Variants in THRB observed in about 807,000 individuals in gnomAD.
THRB encodes nuclear receptor subfamily 1 group A member 2.
Under a neutral mutation model 47.8 loss-of-function variants are expected in THRB, and 12 were observed. The observed-to-expected ratio is 0.25, with a 90% CI of 0.16 to 0.41. The LOEUF is 0.41. Among genes scored for constraint, THRB ranks in the 10% least tolerant of loss-of-function variants. The probability of loss-of-function intolerance (pLI) is 1.00; values close to 1 mark genes in which losing one functional copy is unlikely to be tolerated. For missense variants in THRB, 348 were observed against 589.2 expected, an observed-to-expected ratio of 0.59 and a Z score of 4.24; for synonymous variants, 218 against 212.2, an observed-to-expected ratio of 1.03 and a Z score of -0.24.
intron 2 of THRB, among the ~76,000 whole-genome samples, chr3:24,331,366 C>T: frequency 6.6e-6 from 1 of 152,018 alleles, no homozygotes; most frequent in East Asian, 1.9e-4. Flanking sequence ...TATTTTCTCC[C>T]CGTCCTGACT....
chr3:24,234,991 A>G (rs1228683319), intron 3 of THRB, among the ~76,000 whole-genome samples: 1 of 152,196 alleles, frequency 6.6e-6, no homozygotes, highest in Non-Finnish European at 1.5e-5. Flanking sequence ...GTCTTTAAGC[A>G]GTGATCCAGT....
chr3:24,426,793 T>A (rs766832477), intron 1 of THRB, among the ~76,000 whole-genome samples: 71 of 152,064 alleles, frequency 4.7e-4, no homozygotes, highest in Middle Eastern at 6.8e-3. Flanking sequence ...AGCATTTTGG[T>A]CATTTTATCA....
intron 1 of THRB, among the ~76,000 whole-genome samples, chr3:24,347,702 C>G (rs1471212198): frequency 6.0e-5 from 9 of 151,038 alleles, no homozygotes; most frequent in Admixed American, 5.3e-4. Context: ...GATACATGAA[C>G]ACTTCATGGC....
chr3:24,494,805 CAAA>C lies in THRB; in HGVS notation c.-417_-415del. The C allele has an allele frequency of 6.6e-6, 1 of 152,422 alleles. No homozygotes were observed. Among genetic ancestry groups the C allele is most frequent in the Middle Eastern group, 3.4e-3 (1 of 296 alleles). 9.4% of individuals were successfully genotyped at this position (152,422 alleles called of 1,614,324 possible). A position where few individuals can be genotyped will look rare whatever the true frequency, so the allele number is the denominator to read the frequency against. The stretch of plus-strand genomic sequence containing the variant: ...TCCAAGCGCACTCACATTATTCATG[CAAA>C]GTTAATCCCCGCCGCGTCACGGCCG... On this transcript the variant is annotated 5_prime_UTR_variant, in exon 1 of 11. Coordinates refer to ENST00000646209, the MANE Select transcript of THRB (RefSeq NM_001354712.2).
chr3:24,277,623 A>G (rs1485984350), intron 3 of THRB, among the ~76,000 whole-genome samples: 1 of 152,152 alleles, frequency 6.6e-6, no homozygotes, highest in East Asian at 1.9e-4. Flanking sequence ...GAGTTTTTTC[A>G]TCTATACAAG....
At chr3:24,439,107 C>G (rs1252105389) in intron 1 of THRB, among the ~76,000 whole-genome samples, 1 of 152,126 alleles carries the variant, frequency 6.6e-6, no homozygotes, top group African/African-American at 2.4e-5. Flanking sequence ...ACCTCAGCAT[C>G]AGGTGGTAAC....
intron 1 of THRB, among the ~76,000 whole-genome samples, chr3:24,400,863 T>C (rs2067333576): frequency 6.6e-6 from 1 of 152,084 alleles, no homozygotes; most frequent in African/African-American, 2.4e-5. Context: ...AAAATTAGCT[T>C]TGCAAGTCCA....
chr3:24,189,623 C>A (rs1467674248), intron 5 of THRB, among the ~76,000 whole-genome samples: 1 of 152,144 alleles, frequency 6.6e-6, no homozygotes, highest in Admixed American at 6.5e-5. Context: ...CTTAAAACCT[C>A]TCATTTGAGC....
At chr3:24,354,940 T>C (rs1444248684) in intron 1 of THRB, among the ~76,000 whole-genome samples, 2 of 152,086 alleles carry the variant, frequency 1.3e-5, no homozygotes, top group Non-Finnish European at 2.9e-5. Context: ...AAACTCTTCC[T>C]CAAGGCAGAA....
intron 4 of THRB, among the ~76,000 whole-genome samples, chr3:24,203,256 T>C (rs1292519407): frequency 1.3e-5 from 2 of 151,950 alleles, no homozygotes; most frequent in African/African-American, 2.4e-5. Context: ...CTACCAAAAA[T>C]ACAAAAAATT....
intron 1 of THRB, among the ~76,000 whole-genome samples, chr3:24,346,023 C>G (rs1371569048): frequency 6.6e-6 from 1 of 151,838 alleles, no homozygotes; most frequent in African/African-American, 2.4e-5. Context: ...AAGTATACTT[C>G]CAGTAGAAGG....
chr3:24,271,445 G>C (rs1257321684), intron 3 of THRB, among the ~76,000 whole-genome samples: 1 of 152,188 alleles, frequency 6.6e-6, no homozygotes, highest in Non-Finnish European at 1.5e-5. Context: ...CAATGCTGTG[G>C]TGTGAGGTTA....
chr3:24,332,831 C>T (rs1012797196), intron 2 of THRB, among the ~76,000 whole-genome samples: 12 of 152,098 alleles, frequency 7.9e-5, no homozygotes, highest in East Asian at 7.7e-4. Context: ...CCGAGGCGGG[C>T]GGATCACGAG....
chr3:24,287,674 A>G (rs2055463543), intron 3 of THRB, among the ~76,000 whole-genome samples: 1 of 152,162 alleles, frequency 6.6e-6, no homozygotes, highest in South Asian at 2.1e-4. Context: ...AATCTTTATT[A>G]TGACAGCATT....
chr3:24,334,481 A>T (rs2149401706), intron 2 of THRB, among the ~76,000 whole-genome samples: 1 of 152,386 alleles, frequency 6.6e-6, no homozygotes, highest in Middle Eastern at 3.4e-3. Flanking sequence ...TCAGTGAAGT[A>T]GAGATTACTG....
At chr3:24,216,607 CA>C (rs202228592) in intron 4 of THRB, among the ~76,000 whole-genome samples, 10,308 of 145,378 alleles carry the variant, frequency 0.071, 1,054 homozygotes, top group African/African-American at 0.23. Context: ...GACTCCGCCT[CA>C]AAAAAAAAAA....
chr3:24,135,844 T>TATATAA (rs766824675), intron 8 of THRB, among the ~76,000 whole-genome samples: 1 of 87,612 alleles, frequency 1.1e-5, no homozygotes, highest in Non-Finnish European at 2.4e-5. Context: ...TATATATATA[T>TATATAA]ATAATACATA....
chr3:24,483,708 A>T (rs1481200647), intron 1 of THRB, among the ~76,000 whole-genome samples: 2 of 152,218 alleles, frequency 1.3e-5, no homozygotes, highest in Non-Finnish European at 2.9e-5. Flanking sequence ...ATTAGGTCAG[A>T]TAGGAGGGTG....
chr3:24,464,960 T>A (rs1039254066), intron 1 of THRB, among the ~76,000 whole-genome samples: 1 of 152,264 alleles, frequency 6.6e-6, no homozygotes, highest in African/African-American at 2.4e-5. Flanking sequence ...TTACTATTAA[T>A]GTCACTGTTG....
Sources: gnomAD v4.1 joint callset for allele counts (sites outside exome capture counted in the v4.1 genomes callset) on GRCh38, gnomAD v4.1.1 for gene constraint, MANE v1.5 for transcripts, NCBI Gene and HGNC (gene_info 2026-07-23, HGNC 2026-07-21) for gene names.